Variants in CLASP1 observed in about 807,000 individuals in gnomAD.
The protein encoded by CLASP1 is CLIP-associating protein 1.
A neutral mutation model predicts 192.3 loss-of-function variants in CLASP1; 38 were observed. The ratio of observed to expected loss-of-function variants is 0.20; its 90% CI spans 0.15 to 0.26. The LOEUF is 0.26. Among genes scored for constraint, CLASP1 ranks in the 10% least tolerant of loss-of-function variants. The pLI is 1.00. For synonymous variants in CLASP1, 691 were observed against 712.8 expected (o/e 0.97, Z 0.49); for missense variants, 1,433 against 1,932.5 (o/e 0.74, Z 4.85).
chr2:121,374,200 G>A (rs1391931941), intron 34 of CLASP1, among the ~76,000 whole-genome samples: 2 of 152,232 alleles, frequency 1.3e-5, no homozygotes, highest in African/African-American at 2.4e-5. Flanking sequence ...GGCTAAAAGG[G>A]GCCAACGTAC....
At chr2:121,592,174 G>A (rs1305040935) in intron 2 of CLASP1, among the ~76,000 whole-genome samples, 1 of 152,192 alleles carries the variant, frequency 6.6e-6, no homozygotes, top group East Asian at 1.9e-4. Flanking sequence ...CTCAGATTGT[G>A]TCATCCATTT....
intron 7 of CLASP1, among the ~76,000 whole-genome samples, chr2:121,504,308 T>C (rs896655661): frequency 2.0e-5 from 3 of 152,186 alleles, no homozygotes; most frequent in African/African-American, 7.2e-5. Context: ...CAAAGCAATG[T>C]ATCTGTGCAT....
chr2:121,349,043 A>G (rs868748725), intron 37 of CLASP1, among the ~76,000 whole-genome samples: 2 of 152,106 alleles, frequency 1.3e-5, no homozygotes, highest in African/African-American at 4.8e-5. Context: ...GATCGAGACC[A>G]TCCTGGCTAT....
chr2:121,341,648 G>T lies in CLASP1; in HGVS notation c.4531-701C>A, dbSNP rs2062801092. Among the ~76,000 whole-genome samples the T allele has an allele frequency of 2.0e-5, 3 of 152,136 alleles. 1 individual carries two copies. The South Asian group carries it at 6.2e-4, about 31-fold the overall frequency. The stretch of plus-strand genomic sequence containing the variant: ...AGCAAGGCTGGCTATACTAATATCA[G>T]ACAAAACAGAGTTGACATCAAAAAA... On this transcript the variant is annotated intron_variant, in intron 39 of 39. Coordinates refer to ENST00000263710, the Ensembl canonical transcript of CLASP1.
intron 11 of CLASP1, among the ~76,000 whole-genome samples, chr2:121,460,703 T>C (rs2087748328): frequency 6.6e-6 from 1 of 152,132 alleles, no homozygotes; most frequent in Non-Finnish European, 1.5e-5. Context: ...TTAATCTACT[T>C]TTAAAAATAA....
At chr2:121,599,961 T>C (rs1262653903) in intron 2 of CLASP1, among the ~76,000 whole-genome samples, 1 of 151,956 alleles carries the variant, frequency 6.6e-6, no homozygotes, top group African/African-American at 2.4e-5. Flanking sequence ...GCTTCAAAGT[T>C]TTGTTTAATA....
At chr2:121,548,932 TTAA>T (rs2057736872) in intron 2 of CLASP1, among the ~76,000 whole-genome samples, 1 of 152,084 alleles carries the variant, frequency 6.6e-6, no homozygotes, top group Non-Finnish European at 1.5e-5. Context: ...ACTAAATGTA[TTAA>T]TATAGTAGAA....
intron 2 of CLASP1, among the ~76,000 whole-genome samples, chr2:121,572,984 G>A (rs754487679): frequency 6.6e-6 from 1 of 152,162 alleles, no homozygotes; most frequent in Non-Finnish European, 1.5e-5. Context: ...TTTTAAGATG[G>A]AGTCTCGTCC....
At chr2:121,599,457 G>A (rs1225896659) in intron 2 of CLASP1, among the ~76,000 whole-genome samples, 2 of 151,032 alleles carry the variant, frequency 1.3e-5, no homozygotes, top group African/African-American at 2.4e-5. Context: ...GTGTGGTGGT[G>A]CATGCCTGTA....
intron 1 of CLASP1, among the ~76,000 whole-genome samples, chr2:121,642,016 A>G (rs887124675): frequency 2.2e-5 from 2 of 92,764 alleles, no homozygotes; most frequent in Admixed American, 2.0e-4. Context: ...AAAAAAGCTC[A>G]TACCCTTAAA....
chr2:121,443,467 G>C (rs1241235020), intron 19 of CLASP1, among the ~76,000 whole-genome samples: 3 of 152,126 alleles, frequency 2.0e-5, no homozygotes, highest in African/African-American at 4.8e-5. Flanking sequence ...GTAAGGCTGA[G>C]AAAACACTCG....
At chr2:121,472,412 T>C (rs1439932916) in intron 8 of CLASP1, among the ~76,000 whole-genome samples, 1 of 152,192 alleles carries the variant, frequency 6.6e-6, no homozygotes, top group Non-Finnish European at 1.5e-5. Context: ...GCTGTTCAGC[T>C]AATTTGCATA....
At chr2:121,384,317 T>A (rs966407991) in intron 32 of CLASP1, among the ~76,000 whole-genome samples, 4 of 151,988 alleles carry the variant, frequency 2.6e-5, no homozygotes, top group Non-Finnish European at 5.9e-5. Flanking sequence ...GCCTTCCAAG[T>A]AGCTGAGAAC....
chr2:121,537,172 G>A (rs995441276), intron 2 of CLASP1, among the ~76,000 whole-genome samples: 6 of 152,068 alleles, frequency 3.9e-5, no homozygotes, highest in Admixed American at 6.5e-5. Flanking sequence ...CAGGCAGATC[G>A]CTTGAGCCCA....
chr2:121,471,869 G>C (rs1016629026), intron 8 of CLASP1, among the ~76,000 whole-genome samples: 2 of 152,122 alleles, frequency 1.3e-5, no homozygotes, highest in South Asian at 2.1e-4. Context: ...CGTGGATTCA[G>C]AAAGTGGTTC....
intron 30 of CLASP1, among the ~76,000 whole-genome samples, chr2:121,394,845 A>G (rs1272216577): frequency 1.3e-5 from 2 of 152,216 alleles, no homozygotes; most frequent in African/African-American, 4.8e-5. Flanking sequence ...GCGCCACTGC[A>G]CTCCAGCCTG....
At chr2:121,556,630 T>C (rs1322929931) in intron 2 of CLASP1, among the ~76,000 whole-genome samples, 1 of 152,222 alleles carries the variant, frequency 6.6e-6, no homozygotes, top group Non-Finnish European at 1.5e-5. Flanking sequence ...TATTGGCTCC[T>C]TCCCCTAAGT....
At chr2:121,629,513 G>A (rs1006449090) in intron 1 of CLASP1, among the ~76,000 whole-genome samples, 6 of 151,944 alleles carry the variant, frequency 3.9e-5, no homozygotes, top group East Asian at 3.9e-4. Flanking sequence ...AAACTAGGCC[G>A]GGAGCGGTGG....
intron 19 of CLASP1, among the ~76,000 whole-genome samples, chr2:121,438,726 T>G (rs915410288): frequency 6.6e-6 from 1 of 151,928 alleles, no homozygotes; most frequent in African/African-American, 2.4e-5. Flanking sequence ...GCTGGATTCG[T>G]TTTGCCAGTA....
Sources: allele counts gnomAD v4.1 joint callset (sites outside exome capture counted in the v4.1 genomes callset), GRCh38; gene constraint gnomAD v4.1.1; transcripts MANE v1.5; gene names NCBI Gene and HGNC (gene_info 2026-07-23, HGNC 2026-07-21).